The following PPP1R21 variants were observed in gnomAD, a reference collection of about 807,000 sequenced individuals.
PPP1R21 encodes KLRAQ motif containing 1.
PPP1R21 carries 85 observed loss-of-function variants against 112.8 expected under a neutral mutation model. The ratio of observed to expected loss-of-function variants is 0.75; its 90% CI spans 0.63 to 0.90. The LOEUF (loss-of-function observed/expected upper bound fraction) is 0.90. Ranked by LOEUF, PPP1R21 falls within the 40% of genes least tolerant of loss-of-function variation. The probability of loss-of-function intolerance (pLI) is 0.00; values close to 1 mark genes in which losing one functional copy is unlikely to be tolerated. For synonymous variants in PPP1R21, 381 were observed against 322.3 expected (o/e 1.18, Z -1.95); for missense variants, 1,199 against 901.5 (o/e 1.33, Z -4.23).
chr2:48,513,469 C>G (rs2103685003), intron 21 of PPP1R21, among the ~76,000 whole-genome samples: 1 of 152,108 alleles, frequency 6.6e-6, no homozygotes, highest in Admixed American at 6.6e-5. Context: ...TGCAGCTTCC[C>G]AAAGTGCTGG....
chr2:48,499,806 A>G (rs1252366173), intron 17 of PPP1R21, among the ~76,000 whole-genome samples: 1 of 152,270 alleles, frequency 6.6e-6, no homozygotes, highest in Non-Finnish European at 1.5e-5. Context: ...TTGCTGTTAT[A>G]GAATTTAAAG....
At chr2:48,470,527 A>C (rs1357574886) in intron 9 of PPP1R21, among the ~76,000 whole-genome samples, 3 of 151,934 alleles carry the variant, frequency 2.0e-5, no homozygotes, top group African/African-American at 7.3e-5. Flanking sequence ...CTCAAAAAAA[A>C]AAAAAAAAGG....
At chr2:48,456,529 G>A (rs980503017) in intron 3 of PPP1R21, among the ~76,000 whole-genome samples, 4 of 152,176 alleles carry the variant, frequency 2.6e-5, no homozygotes, top group African/African-American at 7.2e-5. Flanking sequence ...CATCAGCAAA[G>A]TGACAATGAG....
chr2:48,511,009 A>G (rs1366903047), intron 20 of PPP1R21, among the ~76,000 whole-genome samples: 1 of 152,164 alleles, frequency 6.6e-6, no homozygotes, highest in African/African-American at 2.4e-5. Context: ...GACCATCTTT[A>G]TAGGTTGCTT....
chr2:48,507,142 A>G, intron 18 of PPP1R21, 127 bp from the exon 19 acceptor site: 1 of 1,326,610 alleles, frequency 7.5e-7, no homozygotes, highest in South Asian at 1.9e-5. Flanking sequence ...AGGGGGTAGG[A>G]AAACAGTGAT....
chr2:48,449,436 T>TA (rs1667384495), intron 1 of PPP1R21, among the ~76,000 whole-genome samples: 1 of 152,220 alleles, frequency 6.6e-6, no homozygotes, highest in African/African-American at 2.4e-5. Flanking sequence ...TATTGTCTAA[T>TA]AAATGGCAGA....
chr2:48,483,244 A>AG (rs1221662526), intron 13 of PPP1R21, among the ~76,000 whole-genome samples: 6 of 108,572 alleles, frequency 5.5e-5, no homozygotes, highest in African/African-American at 7.2e-5. Context: ...TCTGTCACCC[A>AG]GGCTGGAGTG....
intron 12 of PPP1R21, among the ~76,000 whole-genome samples, chr2:48,477,682 T>TC (rs1032760458): frequency 2.0e-5 from 3 of 149,604 alleles, no homozygotes; most frequent in Non-Finnish European, 3.0e-5. Flanking sequence ...TTTTTTTTTT[T>TC]CAAGATTGTT....
intron 15 of PPP1R21, among the ~76,000 whole-genome samples, chr2:48,494,496 G>A (rs552205655): frequency 2.4e-5 from 3 of 123,232 alleles, no homozygotes; most frequent in East Asian, 2.5e-4. Context: ...GCGCGATCTC[G>A]GCTCACCACA....
chr2:48,507,406 A>G lies in PPP1R21; in HGVS notation c.2085+21A>G, dbSNP rs780523463. On this transcript the variant is annotated intron_variant, in intron 19 of 21. Coordinates refer to ENST00000294952, the MANE Select transcript of PPP1R21 (RefSeq NM_001135629.3). ...CCGAGGTGAGTGTAGATTTAATTAG[A>G]TTGGTGGTTTTTTTCCTAACCCCTG... 3.1e-6 allele frequency: 5 copies of G among 1,589,386 alleles called. No individual in the cohort carries two copies. The East Asian group carries it at 9.2e-5, about 29-fold the overall frequency.
intron 1 of PPP1R21, among the ~76,000 whole-genome samples, chr2:48,450,732 C>G (rs973785065): frequency 1.3e-5 from 2 of 151,540 alleles, no homozygotes; most frequent in African/African-American, 4.8e-5. Flanking sequence ...GAGTGACACA[C>G]TAGAAATCAG....
At chr2:48,507,232 G>A (rs753178925) in intron 18 of PPP1R21, 37 bp from the exon 19 acceptor site, 2 of 1,444,998 alleles carry the variant, frequency 1.4e-6, no homozygotes, top group Admixed American at 2.9e-5. Context: ...CATCTCACTG[G>A]TACTTGTTTA....
At chr2:48,503,622 T>C (rs1057174471) in intron 17 of PPP1R21, among the ~76,000 whole-genome samples, 1 of 152,198 alleles carries the variant, frequency 6.6e-6, no homozygotes, top group African/African-American at 2.4e-5. Context: ...TAGTATCATA[T>C]GAGAAAATGT....
At chr2:48,496,596 T>A (rs1200242759) in intron 16 of PPP1R21, among the ~76,000 whole-genome samples, 1 of 151,036 alleles carries the variant, frequency 6.6e-6, no homozygotes, top group Non-Finnish European at 1.5e-5. Context: ...GCCTCCAGAG[T>A]CGCTGGGATT....
Position 48,469,500 on chromosome 2 carries a change from T to G in PPP1R21, c.898-1587T>G, listed in dbSNP as rs1246153232. On this transcript the variant is annotated intron_variant, in intron 9 of 21. Transcript: ENST00000294952. Reference sequence around the variant, plus strand: ...TATATATATAGAGCATATATATATATATATAGAGCATATATATATATATAT... The same window carrying G: ...TATATATATAGAGCATATATATATAGATATAGAGCATATATATATATATAT... 2.8e-3 allele frequency among the ~76,000 whole-genome samples: 131 copies of G among 46,952 alleles called. 8 individuals carry two copies. Among genetic ancestry groups the G allele is most frequent in the African/African-American group, 8.0e-3 (68 of 8,472 alleles). The allele number at this position is 46,952 out of a possible 152,430, so 30.8% of individuals were successfully genotyped here.
At chr2:48,460,187 A>C (rs753451311) in intron 6 of PPP1R21, 34 bp downstream of exon 6, 1 of 1,608,442 alleles carries the variant, frequency 6.2e-7, no homozygotes, top group Non-Finnish European at 8.5e-7. Context: ...GAGGGTTCTG[A>C]AGCAAGACTC....
intron 13 of PPP1R21, among the ~76,000 whole-genome samples, chr2:48,485,842 C>T (rs1313734575): frequency 6.8e-6 from 1 of 148,146 alleles, no homozygotes; most frequent in African/African-American, 2.5e-5. Flanking sequence ...TTGTGATTGA[C>T]ATATATATAG....
intron 15 of PPP1R21, among the ~76,000 whole-genome samples, chr2:48,493,157 C>A (rs2103616602): frequency 6.6e-6 from 1 of 152,038 alleles, no homozygotes; most frequent in Admixed American, 6.6e-5. Flanking sequence ...AGGTGCCCGC[C>A]ACCACACCCA....
intron 17 of PPP1R21, chr2:48,501,826 T>C (rs1285513363): frequency 2.0e-5 from 3 of 151,620 alleles, no homozygotes; most frequent in Non-Finnish European, 4.4e-5. Context: ...AAAAAACAAA[T>C]AAACATCAGA....
Sources: allele counts gnomAD v4.1 joint callset (sites outside exome capture counted in the v4.1 genomes callset), GRCh38; gene constraint gnomAD v4.1.1; transcripts MANE v1.5; gene names NCBI Gene and HGNC (gene_info 2026-07-23, HGNC 2026-07-21).